The following MYT1L variants were observed in gnomAD, a reference collection of about 807,000 sequenced individuals.
The protein encoded by MYT1L is myelin transcription factor 1 like.
A neutral mutation model predicts 126.7 loss-of-function variants in MYT1L; 12 were observed. That is an observed-to-expected ratio of 0.09 (90% confidence interval 0.06 to 0.15). The LOEUF (loss-of-function observed/expected upper bound fraction) is 0.15. Ranked by LOEUF, MYT1L falls within the 10% of genes least tolerant of loss-of-function variation. The pLI is 1.00. For missense variants in MYT1L, 979 were observed against 1,585.2 expected (o/e 0.62, Z 6.49); for synonymous variants, 541 against 604.2 (o/e 0.90, Z 1.53).
At chr2:2,164,163 T>C (rs1039816848) in intron 3 of MYT1L, among the ~76,000 whole-genome samples, 19 of 152,210 alleles carry the variant, frequency 1.2e-4, no homozygotes, top group Non-Finnish European at 2.4e-4. Context: ...AGTAAAGCTG[T>C]TGGAGTGTTT....
intron 3 of MYT1L, among the ~76,000 whole-genome samples, chr2:2,093,909 G>A (rs1246814660): frequency 2.6e-5 from 4 of 152,184 alleles, no homozygotes; most frequent in Non-Finnish European, 5.9e-5. Flanking sequence ...TTCTACATAT[G>A]GCTAGCCAGT....
At chr2:1,907,590 C>T (rs2051259608) in intron 13 of MYT1L, among the ~76,000 whole-genome samples, 1 of 152,246 alleles carries the variant, frequency 6.6e-6, no homozygotes, top group African/African-American at 2.4e-5. Flanking sequence ...CCATACGCCA[C>T]ACCCTGACAG....
At chr2:2,083,004 T>C (rs1456140547) in intron 3 of MYT1L, among the ~76,000 whole-genome samples, 1 of 152,100 alleles carries the variant, frequency 6.6e-6, no homozygotes, top group East Asian at 1.9e-4. Context: ...GATACTGTGA[T>C]TCCTCAGCAT....
intron 2 of MYT1L, among the ~76,000 whole-genome samples, chr2:2,281,527 T>TCA (rs1000186273): frequency 2.0e-5 from 3 of 152,244 alleles, no homozygotes; most frequent in Admixed American, 6.5e-5. Context: ...ATGTAAGTGG[T>TCA]CAACAACTGA....
chr2:1,831,451 G>A (rs150545987), intron 21 of MYT1L, among the ~76,000 whole-genome samples: 79 of 152,242 alleles, frequency 5.2e-4, no homozygotes, highest in African/African-American at 1.8e-3. Flanking sequence ...CGCCTTTCCA[G>A]CTACTGCCAA....
intron 3 of MYT1L, among the ~76,000 whole-genome samples, chr2:2,096,715 T>G (rs1480870224): frequency 1.3e-5 from 2 of 151,990 alleles, no homozygotes; most frequent in Non-Finnish European, 2.9e-5. Flanking sequence ...GAGTGTGGAG[T>G]TATCCTACCC....
chr2:1,998,604 A>G (rs1156959501), intron 4 of MYT1L, among the ~76,000 whole-genome samples: 3 of 152,222 alleles, frequency 2.0e-5, no homozygotes, highest in Non-Finnish European at 4.4e-5. Flanking sequence ...TGTCAAGAAC[A>G]TAATGGTAGA....
chr2:2,040,204 T>TGTCCTCAGCACA (rs1295778839), intron 4 of MYT1L, among the ~76,000 whole-genome samples: 1 of 152,218 alleles, frequency 6.6e-6, no homozygotes, highest in East Asian at 1.9e-4. Flanking sequence ...ACTAGTGATG[T>TGTCCTCAGCACA]GTCCTCAGCA....
At chr2:2,275,698 A>G (rs187040981) in intron 2 of MYT1L, among the ~76,000 whole-genome samples, 11 of 152,302 alleles carry the variant, frequency 7.2e-5, no homozygotes, top group Non-Finnish European at 7.4e-5. Flanking sequence ...ATGTACCGTG[A>G]AAACTTTCCA....
chr2:1,868,773 C>A (rs771110981), intron 18 of MYT1L, among the ~76,000 whole-genome samples: 1 of 152,220 alleles, frequency 6.6e-6, no homozygotes, highest in Admixed American at 6.5e-5. Flanking sequence ...CCTCCTCCCC[C>A]CTCCTCCCTG....
chr2:1,839,202 C>T lies in MYT1L; in HGVS notation c.3027G>A (p.Thr1009=), dbSNP rs1572724157. 5 of 1,613,506 alleles carry T rather than the reference C, an allele frequency of 3.1e-6. No homozygotes were observed. The highest frequency in any genetic ancestry group is 3.3e-5 in the Admixed American group (2 of 60,032). The part of the protein sequence containing the change: ...SVKTEGMSCP[T]PGCDGSGHVS... ...CGTGGCCTGAGCCGTCGCATCCTGG[C>T]GTGGGGCAGGACATGCCTTCCGTCT... The change falls in exon 21 of 25, where the codon ACG becomes ACA. Residue 1009 remains threonine, a synonymous_variant. Transcript: ENST00000647738.
intron 18 of MYT1L, among the ~76,000 whole-genome samples, chr2:1,854,959 C>T (rs984327900): frequency 1.3e-5 from 2 of 152,176 alleles, no homozygotes; most frequent in Non-Finnish European, 2.9e-5. Flanking sequence ...ATAACCAGCC[C>T]CCGGTTTTCG....
rs558196879 is a variant in MYT1L at position 2,048,971 on chromosome 2, T to C, written c.-158+5007A>G. ...TTTCTTAAACTACAGTCCAGAAAAA[T>C]AAAAGCTCAAACAATTTTATTTATT... On this transcript the variant is annotated intron_variant, in intron 4 of 24. Coordinates refer to ENST00000647738, the MANE Select transcript of MYT1L (RefSeq NM_001303052.2). Among the ~76,000 whole-genome samples, 3 of 152,288 alleles carry C rather than the reference T, an allele frequency of 2.0e-5. No individual in the cohort carries two copies. The East Asian group carries it at 5.8e-4, about 29-fold the overall frequency.
chr2:1,806,449 G>A lies in MYT1L; in HGVS notation c.3172+2627C>T, dbSNP rs752710720. ...CCCAGCAGCAGCAGCTGGGCCCAGC[G>A]GGCGGACGGTGGCCCTGGAATGCCC... On this transcript the variant is annotated intron_variant, in intron 22 of 24. Coordinates refer to ENST00000647738, the MANE Select transcript of MYT1L (RefSeq NM_001303052.2). The surrounding 1 kb of genome is among the most constrained non-coding windows in gnomAD (Gnocchi z 4.9). Among the ~76,000 whole-genome samples the A allele has an allele frequency of 9.9e-5, 15 of 152,202 alleles. No individual in the cohort carries two copies. Among genetic ancestry groups the A allele is most frequent in the African/African-American group, 2.7e-4 (11 of 41,440 alleles).
At chr2:1,833,093 G>A (rs1438418095) in intron 21 of MYT1L, among the ~76,000 whole-genome samples, 1 of 152,218 alleles carries the variant, frequency 6.6e-6, no homozygotes, top group Admixed American at 6.5e-5. Context: ...CTCGGGCACA[G>A]ACCCCAAGGG....
chr2:2,079,095 T>C (rs1051041812), intron 3 of MYT1L, among the ~76,000 whole-genome samples: 1 of 152,228 alleles, frequency 6.6e-6, no homozygotes, highest in African/African-American at 2.4e-5. Context: ...GTCTTGATCT[T>C]GGACTTCCCA....
intron 5 of MYT1L, among the ~76,000 whole-genome samples, chr2:1,987,370 C>G (rs1231581917): frequency 6.9e-6 from 1 of 144,744 alleles, no homozygotes; most frequent in Non-Finnish European, 1.5e-5. Context: ...ATATGATGAT[C>G]TGAAAGCATT....
chr2:2,156,008 G>A (rs1184530024), intron 3 of MYT1L, among the ~76,000 whole-genome samples: 1 of 152,112 alleles, frequency 6.6e-6, no homozygotes. Context: ...GACCCATAGT[G>A]ACAAAAAATC....
At chr2:2,319,876 A>G (rs1308915361) in intron 1 of MYT1L, among the ~76,000 whole-genome samples, 2 of 152,006 alleles carry the variant, frequency 1.3e-5, no homozygotes, top group Non-Finnish European at 2.9e-5. Flanking sequence ...CATAGTAGGT[A>G]CTCAATATAT....
Sources: allele counts gnomAD v4.1 joint callset (sites outside exome capture counted in the v4.1 genomes callset), GRCh38; gene constraint gnomAD v4.1.1; non-coding constraint Gnocchi (gnomAD v3.1); transcripts MANE v1.5; gene names NCBI Gene and HGNC (gene_info 2026-07-23, HGNC 2026-07-21).